SOX6: variants seen among roughly 807,000 people sequenced by gnomAD.
SOX6 encodes SRY-box transcription factor 6, also known as transcription factor SOX-6.
Under a neutral mutation model 97.8 loss-of-function variants are expected in SOX6, and 11 were observed. That is an observed-to-expected ratio of 0.11 (90% CI 0.07 to 0.19). The LOEUF is 0.19. SOX6 is among the 10% of genes least tolerant of loss of function. SOX6 has a pLI of 1.00. For missense variants in SOX6, 810 were observed against 1,039.5 expected (o/e 0.78, Z 3.04); for synonymous variants, 360 against 371.4 (o/e 0.97, Z 0.35).
chr11:16,339,800 T>C (rs1856572457), intron 2 of SOX6, among the ~76,000 whole-genome samples: 1 of 152,062 alleles, frequency 6.6e-6, no homozygotes, highest in South Asian at 2.1e-4. Context: ...ATCTTGCCAA[T>C]ACGCAAGTGG....
At chr11:16,080,133 G>A (rs914192718) in intron 9 of SOX6, among the ~76,000 whole-genome samples, 1 of 149,238 alleles carries the variant, frequency 6.7e-6, no homozygotes, top group African/African-American at 2.5e-5. Context: ...AAAATAAGGC[G>A]ATAGATATGT....
rs181719796 is a variant in SOX6, at chr11:16,604,720, G to T, written n.609+7361C>A. ...CCCATCTCGCTAACAGCCCAGCCCC[G>T]CCAGTTCAGTCGAAGACTTATTTTT... is the stretch of plus-strand genomic sequence containing the variant. On this transcript the variant is annotated intron_variant and non_coding_transcript_variant, in intron 4 of 5. Transcript: ENST00000524520. 2.4e-4 allele frequency among the ~76,000 whole-genome samples: 37 copies of T among 152,310 alleles called. No homozygotes were observed. In the East Asian group the frequency reaches 6.2e-3, roughly 25 times the overall value.
At chr11:16,687,328 G>C (rs1847977220) in intron 3 of SOX6, among the ~76,000 whole-genome samples, 1 of 152,064 alleles carries the variant, frequency 6.6e-6, no homozygotes, top group Non-Finnish European at 1.5e-5. Flanking sequence ...AGAGAGAGTG[G>C]GTGGAAGGAT....
chr11:16,345,147 T>C (rs937371158), intron 1 of SOX6, among the ~76,000 whole-genome samples: 4 of 151,958 alleles, frequency 2.6e-5, no homozygotes, highest in Admixed American at 6.6e-5. Context: ...ATACAGTGCA[T>C]TGGAGATAAA....
At chr11:16,141,872 G>A (rs1433964651) in intron 6 of SOX6, among the ~76,000 whole-genome samples, 1 of 152,162 alleles carries the variant, frequency 6.6e-6, no homozygotes, top group African/African-American at 2.4e-5. Context: ...GAACTGGGAG[G>A]AGCCCACTGC....
chr11:16,502,495 A>T (rs966662218), intron 4 of SOX6, among the ~76,000 whole-genome samples: 10 of 152,128 alleles, frequency 6.6e-5, no homozygotes, highest in Middle Eastern at 3.2e-3. Context: ...TTCAGGAGAG[A>T]AATGAGAAAT....
chr11:16,158,621 G>A (rs1850663511), intron 6 of SOX6, among the ~76,000 whole-genome samples: 1 of 151,912 alleles, frequency 6.6e-6, no homozygotes, highest in South Asian at 2.1e-4. Flanking sequence ...TGTAGGCAAG[G>A]CTTCCAGGAG....
intron 1 of SOX6, among the ~76,000 whole-genome samples, chr11:16,370,189 A>AT (rs1299328784): frequency 6.6e-6 from 1 of 151,300 alleles, no homozygotes; most frequent in Non-Finnish European, 1.5e-5. Flanking sequence ...AAATTTTTCC[A>AT]TTTTTTTCCA....
intron 3 of SOX6, among the ~76,000 whole-genome samples, chr11:16,701,780 G>T (rs1411720241): frequency 2.2e-5 from 3 of 134,586 alleles, no homozygotes; most frequent in Non-Finnish European, 4.8e-5. Context: ...GTTCGGGGGG[G>T]TGGGAGGGGG....
At chr11:16,296,012 G>A (rs1855073649) in intron 3 of SOX6, among the ~76,000 whole-genome samples, 1 of 152,106 alleles carries the variant, frequency 6.6e-6, no homozygotes, top group South Asian at 2.1e-4. Flanking sequence ...CTGGGGCAAA[G>A]ATGAAGGTCC....
At chr11:16,635,471 C>T (rs999852190) in intron 3 of SOX6, among the ~76,000 whole-genome samples, 4 of 152,060 alleles carry the variant, frequency 2.6e-5, no homozygotes, top group Non-Finnish European at 4.4e-5. Flanking sequence ...TTAGTGTATC[C>T]GGCAGAAGAA....
At chr11:16,277,116 G>A (rs1318344757) in intron 3 of SOX6, among the ~76,000 whole-genome samples, 1 of 152,076 alleles carries the variant, frequency 6.6e-6, no homozygotes, top group Non-Finnish European at 1.5e-5. Flanking sequence ...GGGCATGAGA[G>A]GACTCTGTGC....
intron 12 of SOX6, among the ~76,000 whole-genome samples, chr11:16,025,610 AAC>A (rs1003314763): frequency 3.3e-5 from 5 of 152,226 alleles, no homozygotes; most frequent in African/African-American, 1.2e-4. Flanking sequence ...TATTTGTGGA[AAC>A]ACAAGTGCAG....
Position 16,056,021 on chromosome 11 carries a change from T to C in SOX6, c.1102-120A>G, listed in dbSNP as rs1847807273. ...CAGCCTTGTAATTTCTTTTTCACTA[T>C]TTTTAAAAAAGGAAGCTAAGAGAAG... On this transcript the variant is annotated intron_variant, in intron 9 of 15. Transcript: ENST00000683767. The C allele has an allele frequency of 3.3e-6, 4 of 1,203,286 alleles. No homozygotes were observed. The Admixed American group carries it at 6.7e-5, about 20-fold the overall frequency. 74.5% of individuals were successfully genotyped at this position (1,203,286 alleles called of 1,614,324 possible).
chr11:16,318,034 TA>T, intron 3 of SOX6: 1 of 421,364 alleles, frequency 2.4e-6, no homozygotes, highest in Admixed American at 2.7e-5. Context: ...AATATATTTA[TA>T]AAAATGAAGA....
intron 6 of SOX6, among the ~76,000 whole-genome samples, chr11:16,157,758 A>C (rs1398468002): frequency 6.6e-6 from 1 of 152,002 alleles, no homozygotes; most frequent in Non-Finnish European, 1.5e-5. Context: ...CTGAGAAATG[A>C]ATTTATTTGT....
At position 16,247,318 on chromosome 11, in the gene SOX6, T is replaced by C. The variant is rs969945834; in HGVS notation, c.446-12647A>G. ...CATTTTATATCCATTCATCTGTTGA[T>C]AGACACTTAGGTTGACTCCGTATTT... On this transcript the variant is annotated intron_variant, in intron 3 of 15. Transcript: ENST00000683767. Among the ~76,000 whole-genome samples, 8 of 152,218 alleles carry C rather than the reference T, an allele frequency of 5.3e-5. No individual in the cohort carries two copies. The South Asian group carries it at 6.2e-4, about 12-fold the overall frequency.
chr11:16,059,225 C>A (rs993747949), intron 9 of SOX6, among the ~76,000 whole-genome samples: 1 of 152,004 alleles, frequency 6.6e-6, no homozygotes, highest in East Asian at 1.9e-4. Context: ...GTAAAACTGG[C>A]AATAAATGAA....
intron 12 of SOX6, among the ~76,000 whole-genome samples, chr11:16,019,234 A>T (rs968896538): frequency 3.3e-5 from 5 of 152,110 alleles, no homozygotes; most frequent in Non-Finnish European, 5.9e-5. Context: ...AAAATGGCAC[A>T]CGCTGAGAGG....
Sources: gnomAD v4.1 joint callset for allele counts (sites outside exome capture counted in the v4.1 genomes callset) on GRCh38, gnomAD v4.1.1 for gene constraint, MANE v1.5 for transcripts, NCBI Gene and HGNC (gene_info 2026-07-23, HGNC 2026-07-21) for gene names.